The following DLG2 variants were observed in gnomAD, a reference collection of about 807,000 sequenced individuals.
The protein encoded by DLG2 is disks large homolog 2.
DLG2 carries 45 observed loss-of-function variants against 132.5 expected under a neutral mutation model. The observed-to-expected ratio is 0.34, with a 90% confidence interval of 0.27 to 0.44. The LOEUF (loss-of-function observed/expected upper bound fraction) is 0.44. Among genes scored for constraint, DLG2 ranks in the 20% least tolerant of loss-of-function variants. The pLI is 1.00. For missense variants in DLG2, 1,045 were observed against 1,196.9 expected, an observed-to-expected ratio of 0.87 and a Z score of 1.87; for synonymous variants, 424 against 419.6, an observed-to-expected ratio of 1.01 and a Z score of -0.13.
intron 11 of DLG2, among the ~76,000 whole-genome samples, chr11:83,988,594 T>C (rs1025857669): frequency 6.6e-6 from 1 of 152,198 alleles, no homozygotes; most frequent in Non-Finnish European, 1.5e-5. Flanking sequence ...CCTTGAGCAA[T>C]GGTTTGTAGT....
intron 3 of DLG2, among the ~76,000 whole-genome samples, chr11:85,457,370 T>C (rs2092457128): frequency 1.3e-5 from 2 of 152,178 alleles, no homozygotes; most frequent in Admixed American, 1.3e-4. Context: ...AGCATACCAT[T>C]AGGTCTTGCT....
Position 85,512,744 on chromosome 11 carries a change from G to A in DLG2, c.40+85913C>T, listed in dbSNP as rs191600959. On this transcript the variant is annotated intron_variant, in intron 3 of 27. Transcript: ENST00000376104. ...GGGAATGCTTATACACTATTGGTGGGAATGTAAATTAGTTTAGTCCCTTGG... is the reference window on the plus strand; with the variant it reads ...GGGAATGCTTATACACTATTGGTGGAAATGTAAATTAGTTTAGTCCCTTGG... 2.6e-5 allele frequency among the ~76,000 whole-genome samples: 4 copies of A among 152,148 alleles called. No homozygotes were observed. The East Asian group carries it at 5.8e-4, about 22-fold the overall frequency.
intron 19 of DLG2, among the ~76,000 whole-genome samples, chr11:83,543,529 C>T (rs946121335): frequency 3.9e-5 from 6 of 152,128 alleles, no homozygotes; most frequent in African/African-American, 1.4e-4. Flanking sequence ...CTTAGTCTTA[C>T]AGCTAGTCAG....
At chr11:84,351,479 C>A (rs1468033590) in intron 7 of DLG2, among the ~76,000 whole-genome samples, 4 of 152,168 alleles carry the variant, frequency 2.6e-5, no homozygotes, top group Non-Finnish European at 4.4e-5. Context: ...CGGAACCTAA[C>A]TACCTTGGCA....
At chr11:84,194,976 C>T (rs576432101) in intron 8 of DLG2, among the ~76,000 whole-genome samples, 35 of 152,288 alleles carry the variant, frequency 2.3e-4, no homozygotes, top group East Asian at 1.2e-3. Context: ...TCCCTCCACA[C>T]CTCCCTGCAA....
intron 6 of DLG2, among the ~76,000 whole-genome samples, chr11:85,022,291 C>T (rs886192696): frequency 5.9e-5 from 9 of 151,554 alleles, no homozygotes; most frequent in African/African-American, 2.2e-4. Context: ...ACTTAGAGCA[C>T]AAAAAACTGG....
intron 7 of DLG2, among the ~76,000 whole-genome samples, chr11:84,289,717 C>G (rs1270827525): frequency 6.6e-6 from 1 of 152,096 alleles, no homozygotes; most frequent in Non-Finnish European, 1.5e-5. Context: ...GCATGACTGT[C>G]TCACTCTGTT....
chr11:84,278,525 T>G (rs1439627164), intron 7 of DLG2, among the ~76,000 whole-genome samples: 1 of 151,954 alleles, frequency 6.6e-6, no homozygotes, highest in Non-Finnish European at 1.5e-5. Context: ...ATGAAGATAT[T>G]ACAAGAAAAG....
At chr11:83,785,824 A>G (rs2095034174) in intron 18 of DLG2, among the ~76,000 whole-genome samples, 1 of 152,140 alleles carries the variant, frequency 6.6e-6, no homozygotes. Context: ...CCTTGATGAC[A>G]TCTTATACTC....
intron 19 of DLG2, among the ~76,000 whole-genome samples, chr11:83,582,684 C>T (rs1411298018): frequency 6.6e-6 from 1 of 152,116 alleles, no homozygotes; most frequent in Non-Finnish European, 1.5e-5. Flanking sequence ...AGATAAGATT[C>T]TGATTTTCAA....
chr11:85,468,205 C>A (rs187977388), intron 3 of DLG2, among the ~76,000 whole-genome samples: 2 of 151,312 alleles, frequency 1.3e-5, no homozygotes, highest in Non-Finnish European at 2.9e-5. Flanking sequence ...TCTCTCCTTT[C>A]TTCTTTATTA....
chr11:84,730,360 T>G (rs1368213629), intron 6 of DLG2, among the ~76,000 whole-genome samples: 2 of 152,092 alleles, frequency 1.3e-5, no homozygotes, highest in Admixed American at 6.6e-5. Flanking sequence ...ATCAAAATGC[T>G]TGGCACATAC....
intron 7 of DLG2, among the ~76,000 whole-genome samples, chr11:84,479,437 C>G (rs2099130753): frequency 6.6e-6 from 1 of 152,012 alleles, no homozygotes; most frequent in Non-Finnish European, 1.5e-5. Context: ...TCAATAAAAT[C>G]ATATTATTTC....
chr11:84,995,093 T>C (rs139813518), intron 6 of DLG2, among the ~76,000 whole-genome samples: 1 of 152,306 alleles, frequency 6.6e-6, no homozygotes, highest in African/African-American at 2.4e-5. Flanking sequence ...CCAGTTTGAA[T>C]AGTGCTTTCA....
chr11:85,162,651 T>G (rs1334035440), intron 4 of DLG2, among the ~76,000 whole-genome samples: 5 of 152,252 alleles, frequency 3.3e-5, no homozygotes, highest in Non-Finnish European at 5.9e-5. Context: ...CATTAAAGTA[T>G]TGTTAACTTT....
rs377676886 is a variant in DLG2 at position 84,501,420 on chromosome 11, C to T, written c.519+33150G>A. ...TCTTGACTAAAAATACAAATATTAGCCAGGCATAGTGGTGCATGCCTGTAG... is the reference window on the plus strand; with the variant it reads ...TCTTGACTAAAAATACAAATATTAGTCAGGCATAGTGGTGCATGCCTGTAG... On this transcript the variant is annotated intron_variant, in intron 7 of 27. Transcript: ENST00000376104. 7.8e-4 allele frequency among the ~76,000 whole-genome samples: 119 copies of T among 152,224 alleles called. 1 individual carries two copies. Among genetic ancestry groups the T allele is most frequent in the African/African-American group, 2.8e-3 (115 of 41,544 alleles).
At chr11:83,586,443 C>A (rs1405040366) in intron 19 of DLG2, among the ~76,000 whole-genome samples, 1 of 152,222 alleles carries the variant, frequency 6.6e-6, no homozygotes, top group Non-Finnish European at 1.5e-5. Flanking sequence ...TCAGCTTTCA[C>A]TTCTCTTATG....
At chr11:84,012,426 A>G (rs1286265304) in intron 11 of DLG2, among the ~76,000 whole-genome samples, 4 of 152,128 alleles carry the variant, frequency 2.6e-5, no homozygotes, top group Admixed American at 1.3e-4. Context: ...GAGACTTCCA[A>G]CATCCACTGA....
At chr11:83,644,745 TC>T (rs1480694301) in intron 18 of DLG2, among the ~76,000 whole-genome samples, 3 of 152,088 alleles carry the variant, frequency 2.0e-5, no homozygotes, top group African/African-American at 7.2e-5. Context: ...TTTGCTTATT[TC>T]AGTAATTTTT....
Sources: allele counts gnomAD v4.1 joint callset (sites outside exome capture counted in the v4.1 genomes callset), GRCh38; gene constraint gnomAD v4.1.1; transcripts MANE v1.5; gene names NCBI Gene and HGNC (gene_info 2026-07-23, HGNC 2026-07-21).